PTPN3: variants seen among roughly 807,000 people sequenced by gnomAD.
PTPN3 encodes the protein tyrosine-protein phosphatase non-receptor type 3.
PTPN3 carries 96 observed loss-of-function variants against 132.7 expected under a neutral mutation model. That is an observed-to-expected ratio of 0.72 (90% confidence interval 0.61 to 0.86). The LOEUF is 0.86. Among genes scored for constraint, PTPN3 ranks in the 40% least tolerant of loss-of-function variants. PTPN3 has a pLI of 0.00. For missense variants in PTPN3, 1,125 were observed against 1,159.6 expected, an observed-to-expected ratio of 0.97 and a Z score of 0.43; for synonymous variants, 398 against 429.0, an observed-to-expected ratio of 0.93 and a Z score of 0.89.
At chr9:109,523,274 C>T in the PTPN3 span, among the ~76,000 whole-genome samples, 1 of 151,880 alleles carries the variant, frequency 6.6e-6, no homozygotes, top group Non-Finnish European at 1.5e-5. Context: ...GCCACCATGC[C>T]CGGCTTATTT....
intron 4 of PTPN3, 107 bp downstream of exon 4, chr9:109,457,066 C>A (rs141141253): frequency 1.6e-5 from 19 of 1,206,122 alleles, no homozygotes; most frequent in Non-Finnish European, 2.3e-5. Context: ...CCTGGACACC[C>A]GGAACTACAG....
the PTPN3 span, among the ~76,000 whole-genome samples, chr9:109,506,482 TCTTTCCTACCTA>T: frequency 5.9e-4 from 75 of 128,020 alleles, no homozygotes; most frequent in East Asian, 8.3e-3. Context: ...CTTCCTTCCT[TCTTTCCTACCTA>T]CCTTCTTTCC....
At chr9:109,517,884 T>C in the PTPN3 span, among the ~76,000 whole-genome samples, 1 of 152,070 alleles carries the variant, frequency 6.6e-6, no homozygotes, top group Non-Finnish European at 1.5e-5. Flanking sequence ...CTGGGTAGGA[T>C]GAGAGAGAGG....
chr9:109,512,490 C>T, the PTPN3 span, among the ~76,000 whole-genome samples: 3 of 152,158 alleles, frequency 2.0e-5, no homozygotes, highest in Admixed American at 1.3e-4. Context: ...TTCATTTTTA[C>T]GTCAAGAAAT....
chr9:109,391,615 T>C, intron 19 of PTPN3, 54 bp from the exon 20 acceptor site: 1 of 1,423,150 alleles, frequency 7.0e-7, no homozygotes, highest in Non-Finnish European at 9.8e-7. Flanking sequence ...ATGAAGAAAG[T>C]GTGAAAACAT....
Position 109,398,532 on chromosome 9 carries a change from T to C in PTPN3, c.1953+5916A>G, listed in dbSNP as rs563788288. Among the ~76,000 whole-genome samples, 49 of 152,324 alleles carry C rather than the reference T, an allele frequency of 3.2e-4. No homozygotes were observed. The South Asian group carries it at 9.1e-3, about 28-fold the overall frequency. On this transcript the variant is annotated intron_variant, in intron 19 of 25. Coordinates refer to ENST00000374541, the MANE Select transcript of PTPN3 (RefSeq NM_002829.4). ...TTCTGGTTTTGGTGAAGATGGTGGA[T>C]GCTGAAGTGGAGGGGCCGGGTATCT...
At chr9:109,533,200 A>G in the PTPN3 span, among the ~76,000 whole-genome samples, 6 of 129,112 alleles carry the variant, frequency 4.6e-5, no homozygotes, top group African/African-American at 1.5e-4. Context: ...TGCGGACTGC[A>G]GTGGCGCAAT....
At chr9:109,501,733 C>G (rs1232191935), upstream of PTPN3, among the ~76,000 whole-genome samples, 1 of 152,244 alleles carries the variant, frequency 6.6e-6, no homozygotes, top group Non-Finnish European at 1.5e-5. Flanking sequence ...GAGCTGTACT[C>G]AGTCCCAGAT....
the PTPN3 span, among the ~76,000 whole-genome samples, chr9:109,529,346 C>G: frequency 6.6e-6 from 1 of 152,228 alleles, no homozygotes; most frequent in African/African-American, 2.4e-5. Flanking sequence ...AAACTCTGGG[C>G]TGGGGCACAG....
chr9:109,437,995 C>T (rs1045612997), intron 8 of PTPN3, 119 bp downstream of exon 8: 30 of 1,272,192 alleles, frequency 2.4e-5, no homozygotes, highest in African/African-American at 3.0e-5. Flanking sequence ...CAAAAACCCC[C>T]GACATCTTGA....
rs560018155 is a variant in PTPN3 at position 109,470,293 on chromosome 9, G to A, written c.-17-6842C>T. On this transcript the variant is annotated intron_variant, in intron 1 of 25. Coordinates refer to ENST00000374541, the MANE Select transcript of PTPN3 (RefSeq NM_002829.4). ...ACACACAGATGCTGGGTTGCATTATGTGGTATCGAGTTCTTTGTGGGGCCA... is the reference window on the plus strand; with the variant it reads ...ACACACAGATGCTGGGTTGCATTATATGGTATCGAGTTCTTTGTGGGGCCA... Among the ~76,000 whole-genome samples, 19 of 152,272 alleles carry A rather than the reference G, an allele frequency of 1.2e-4. No homozygotes were observed. The South Asian group carries it at 3.3e-3, about 27-fold the overall frequency.
chr9:109,495,564 AGGTGGGGAATGG>A (rs1444294351), intron 1 of PTPN3, among the ~76,000 whole-genome samples: 4 of 152,154 alleles, frequency 2.6e-5, no homozygotes, highest in African/African-American at 9.7e-5. Flanking sequence ...CTTATCTGCA[AGGTGGGGAATGG>A]GGTGGGGTTT....
Position 109,389,269 on chromosome 9 carries a change from G to C in PTPN3, c.2217C>G (p.Leu739=). The change falls in exon 22 of 26, where the codon CTC becomes CTG. Residue 739 remains leucine (L), a synonymous_variant. Coordinates refer to ENST00000374541, the MANE Select transcript of PTPN3 (RefSeq NM_002829.4). Reference sequence around the variant, plus strand: ...CTGTGAGAGTCGTCAACATGACAATGAGTGACAACTTCTGATCCCAGACAA... The same window carrying C: ...CTGTGAGAGTCGTCAACATGACAATCAGTGACAACTTCTGATCCCAGACAA... The part of the protein sequence containing the change: ...WQVVWDQKLS[L]IVMLTTLTER... 1 of 1,614,176 alleles carries C rather than the reference G, an allele frequency of 6.2e-7. No individual in the cohort carries two copies. Among genetic ancestry groups the C allele is most frequent in the Non-Finnish European group, 8.5e-7 (1 of 1,180,034 alleles).
At chr9:109,497,687 G>C (rs1274190331) in intron 1 of PTPN3, among the ~76,000 whole-genome samples, 1 of 152,142 alleles carries the variant, frequency 6.6e-6, no homozygotes, top group African/African-American at 2.4e-5. Context: ...CATATCGTCC[G>C]CGGAACGGGG....
chr9:109,409,333 A>T (rs145004053), intron 16 of PTPN3, among the ~76,000 whole-genome samples: 1 of 152,246 alleles, frequency 6.6e-6, no homozygotes, highest in East Asian at 1.9e-4. Flanking sequence ...GCATTCCTGA[A>T]GTGGGTAGAT....
At chr9:109,532,562 G>T in the PTPN3 span, among the ~76,000 whole-genome samples, 4 of 148,462 alleles carry the variant, frequency 2.7e-5, no homozygotes, top group Non-Finnish European at 5.9e-5. Flanking sequence ...CTTTAAAGGC[G>T]TATTGTGAAA....
intron 7 of PTPN3, among the ~76,000 whole-genome samples, chr9:109,439,703 G>GT (rs1305554225): frequency 1.3e-5 from 2 of 152,182 alleles, no homozygotes; most frequent in Non-Finnish European, 2.9e-5. Context: ...GCGGTCAGAG[G>GT]TTTGAGACCA....
At chr9:109,460,704 A>G (rs1212280328) in intron 2 of PTPN3, among the ~76,000 whole-genome samples, 1 of 152,058 alleles carries the variant, frequency 6.6e-6, no homozygotes, top group Non-Finnish European at 1.5e-5. Context: ...CGTCTATACA[A>G]TGGTAACCTC....
intron 14 of PTPN3, among the ~76,000 whole-genome samples, chr9:109,412,857 T>G (rs759519384): frequency 2.0e-5 from 3 of 152,160 alleles, no homozygotes; most frequent in East Asian, 3.8e-4. Flanking sequence ...AACTAGCCCA[T>G]GGTACTAAAT....
Sources: allele counts gnomAD v4.1 joint callset (sites outside exome capture counted in the v4.1 genomes callset), GRCh38; gene constraint gnomAD v4.1.1; transcripts MANE v1.5; gene names NCBI Gene and HGNC (gene_info 2026-07-23, HGNC 2026-07-21).